Variants in SYT1 observed in about 807,000 individuals in gnomAD.
SYT1 encodes the protein synaptotagmin-1.
A neutral mutation model predicts 44.8 loss-of-function variants in SYT1; 8 were observed. That is an observed-to-expected ratio of 0.18 (90% CI 0.10 to 0.32). The LOEUF (loss-of-function observed/expected upper bound fraction) is 0.32, where lower values mean the gene tolerates loss of function less well. SYT1 is among the 10% of genes least tolerant of loss of function. The pLI, the probability that SYT1 is intolerant of heterozygous loss-of-function variation, is 1.00. For synonymous variants in SYT1, 154 were observed against 188.8 expected, an observed-to-expected ratio of 0.82 and a Z score of 1.51; for missense variants, 286 against 509.3, an observed-to-expected ratio of 0.56 and a Z score of 4.22.
chr12:79,382,042 C>T (rs552519413), intron 9 of SYT1, among the ~76,000 whole-genome samples: 3 of 152,142 alleles, frequency 2.0e-5, no homozygotes, highest in South Asian at 2.1e-4. Flanking sequence ...GAAGGTCATG[C>T]GGTATGCTTA....
At chr12:79,402,532 G>A (rs1196470678) in intron 9 of SYT1, among the ~76,000 whole-genome samples, 8 of 152,120 alleles carry the variant, frequency 5.3e-5, no homozygotes, top group Non-Finnish European at 1.2e-4. Context: ...ATTTTCGCAG[G>A]TGTTTCCTCT....
At chr12:79,434,359 A>T (rs532024629) in intron 9 of SYT1, among the ~76,000 whole-genome samples, 7 of 152,312 alleles carry the variant, frequency 4.6e-5, no homozygotes, top group African/African-American at 1.7e-4. Flanking sequence ...CATTACAGGG[A>T]GTATTTTATT....
chr12:79,380,580 G>T (rs979332222), intron 9 of SYT1, among the ~76,000 whole-genome samples: 14 of 152,050 alleles, frequency 9.2e-5, no homozygotes, highest in Admixed American at 8.5e-4. Context: ...ATACATGGGG[G>T]TCTCACTATA....
rs1258087423 is a variant in SYT1, at chr12:79,448,922, T to C, written c.1067T>C (p.Val356Ala). The C allele has an allele frequency of 1.9e-6, 3 of 1,614,100 alleles. No homozygotes were observed. Among genetic ancestry groups the C allele is most frequent in the Non-Finnish European group, 2.5e-6 (3 of 1,179,982 alleles). ...TCATTTCATGGCTTCTTTCAGAAAG[T>C]GCAGGTGGTGGTAACTGTTTTGGAC... is the stretch of plus-strand genomic sequence containing the variant. ...FEVPFEQIQK[V>A]QVVVTVLDYD... Residue 356 changes from valine to alanine, a missense_variant, in exon 11 of 11, where the codon GTG (valine) becomes GCG (alanine). Transcript: ENST00000261205.
intron 2 of SYT1, among the ~76,000 whole-genome samples, chr12:79,018,453 T>G (rs1871961634): frequency 6.6e-6 from 1 of 152,034 alleles, no homozygotes; most frequent in Admixed American, 6.6e-5. Flanking sequence ...GTAACAAACC[T>G]GCACGTTGTG....
At chr12:79,170,160 C>T (rs1871432444) in intron 3 of SYT1, among the ~76,000 whole-genome samples, 1 of 152,030 alleles carries the variant, frequency 6.6e-6, no homozygotes, top group Non-Finnish European at 1.5e-5. Context: ...AATGAACATA[C>T]ACATGCATGA....
At chr12:78,877,386 C>A (rs1874230628) in intron 1 of SYT1, among the ~76,000 whole-genome samples, 1 of 151,510 alleles carries the variant, frequency 6.6e-6, no homozygotes, top group African/African-American at 2.4e-5. Context: ...TCTGTCCCTC[C>A]CACAACATGT....
At chr12:79,039,767 T>G in intron 2 of SYT1, among the ~76,000 whole-genome samples, 1 of 130,542 alleles carries the variant, frequency 7.7e-6, no homozygotes, top group East Asian at 2.7e-4. Context: ...TGCTATCCCT[T>G]CCCCCTCCCC....
Position 79,004,818 on chromosome 12 carries a change from G to T in SYT1, c.-84+26887G>T, listed in dbSNP as rs554419258. Among the ~76,000 whole-genome samples the T allele has an allele frequency of 5.3e-5, 8 of 151,966 alleles. No individual in the cohort carries two copies. In the South Asian group the frequency reaches 8.3e-4, roughly 16 times the overall value. On this transcript the variant is annotated intron_variant, in intron 2 of 10. Coordinates refer to ENST00000261205, the MANE Select transcript of SYT1 (RefSeq NM_005639.3). ...GGAGCAGAAAGTGATTCAGTAACTTGCCCAGGTCACATGGTTATAAGTGAT... is the reference window on the plus strand; with the variant it reads ...GGAGCAGAAAGTGATTCAGTAACTTTCCCAGGTCACATGGTTATAAGTGAT...
intron 3 of SYT1, among the ~76,000 whole-genome samples, chr12:79,209,265 A>C (rs551428364): frequency 1.3e-5 from 2 of 152,308 alleles, no homozygotes; most frequent in South Asian, 4.1e-4. Flanking sequence ...GCTAGGCTTT[A>C]CTTAACTGCC....
intron 1 of SYT1, among the ~76,000 whole-genome samples, chr12:78,941,028 T>A (rs1176906743): frequency 1.3e-5 from 2 of 151,418 alleles, no homozygotes; most frequent in Non-Finnish European, 2.9e-5. Context: ...TTTCTTTTTT[T>A]CTTTTTCTTT....
chr12:79,172,187 G>A (rs184353688), intron 3 of SYT1, among the ~76,000 whole-genome samples: 1 of 151,910 alleles, frequency 6.6e-6, no homozygotes, highest in African/African-American at 2.4e-5. Context: ...CTACTGCTTG[G>A]TTCTAAATGC....
intron 9 of SYT1, among the ~76,000 whole-genome samples, chr12:79,364,348 A>AT (rs1447632880): frequency 6.6e-6 from 1 of 152,020 alleles, no homozygotes; most frequent in African/African-American, 2.4e-5. Context: ...TCATAAAGGC[A>AT]TTTTCAAGGG....
rs549465217 is a variant in SYT1, at chr12:79,169,869, C to T, written c.-17-47634C>T. On this transcript the variant is annotated intron_variant, in intron 3 of 10. Transcript: ENST00000261205. ...CCTTCACCTACCTGGCTCCAAAAGGCCCCAGGATGTGTTGTTCCCCTCTAT... is the reference window on the plus strand; with the variant it reads ...CCTTCACCTACCTGGCTCCAAAAGGTCCCAGGATGTGTTGTTCCCCTCTAT... 5.3e-5 allele frequency among the ~76,000 whole-genome samples: 8 copies of T among 152,122 alleles called. No homozygotes were observed. In the East Asian group the frequency reaches 1.6e-3, roughly 30 times the overall value.
intron 3 of SYT1, among the ~76,000 whole-genome samples, chr12:79,184,097 T>A (rs1872682261): frequency 6.6e-6 from 1 of 152,052 alleles, no homozygotes; most frequent in South Asian, 2.1e-4. Context: ...ATTATGTTGC[T>A]ATGAAGTAGA....
chr12:79,078,611 G>A (rs907824673), intron 3 of SYT1, among the ~76,000 whole-genome samples: 7 of 151,840 alleles, frequency 4.6e-5, no homozygotes, highest in African/African-American at 1.5e-4. Flanking sequence ...TGTGTATGGT[G>A]GTTTGCTGCA....
chr12:79,276,739 G>A (rs1454321399), intron 4 of SYT1, among the ~76,000 whole-genome samples: 3 of 151,144 alleles, frequency 2.0e-5, no homozygotes, highest in African/African-American at 4.9e-5. Context: ...ATTACACAAC[G>A]CAGTTGAAAA....
At chr12:79,353,665 G>T (rs367875821) in intron 9 of SYT1, 46 bp downstream of exon 9, 1 of 1,386,408 alleles carries the variant, frequency 7.2e-7, no homozygotes, top group South Asian at 1.2e-5. Context: ...CTGTTTCGTC[G>T]TGGATACCAA....
intron 1 of SYT1, among the ~76,000 whole-genome samples, chr12:78,932,288 T>G (rs1432544224): frequency 6.6e-6 from 1 of 152,212 alleles, no homozygotes; most frequent in East Asian, 1.9e-4. Flanking sequence ...AATAACCTGA[T>G]AGTGGTGATG....
Sources: gnomAD v4.1 joint callset for allele counts (sites outside exome capture counted in the v4.1 genomes callset) on GRCh38, gnomAD v4.1.1 for gene constraint, MANE v1.5 for transcripts, NCBI Gene and HGNC (gene_info 2026-07-23, HGNC 2026-07-21) for gene names.